The following AGO1 variants were observed in gnomAD, a reference collection of about 807,000 sequenced individuals.
AGO1 encodes protein argonaute-1.
A neutral mutation model predicts 109.2 loss-of-function variants in AGO1; 11 were observed. That is an observed-to-expected ratio of 0.10 (90% CI 0.06 to 0.17). The LOEUF (loss-of-function observed/expected upper bound fraction) is 0.17. Ranked by LOEUF, AGO1 falls within the 10% of genes least tolerant of loss-of-function variation. The pLI, the probability that AGO1 is intolerant of heterozygous loss-of-function variation, is 1.00. For synonymous variants in AGO1, 422 were observed against 418.6 expected, an observed-to-expected ratio of 1.01 and a Z score of -0.10; for missense variants, 574 against 1,140.3, an observed-to-expected ratio of 0.50 and a Z score of 7.15.
intron 12 of AGO1, 94 bp downstream of exon 12, chr1:35,907,213 G>T: frequency 1.6e-6 from 2 of 1,214,232 alleles, no homozygotes; most frequent in Non-Finnish European, 2.2e-6. Context: ...TGGATTCTTG[G>T]CTTTGACCAG....
chr1:35,892,393 C>G (rs1174934733), intron 2 of AGO1, among the ~76,000 whole-genome samples, 164 bp from the exon 3 acceptor site: 1 of 152,254 alleles, frequency 6.6e-6, no homozygotes, highest in Non-Finnish European at 1.5e-5. Context: ...TTAATAAAAT[C>G]TCCAGGTGAT....
rs928450240 is a variant in AGO1, at chr1:35,921,674, T to C, written c.*2067T>C. 4 of 152,718 alleles carry C rather than the reference T, an allele frequency of 2.6e-5. No homozygotes were observed. Among genetic ancestry groups the C allele is most frequent in the African/African-American group, 9.6e-5 (4 of 41,470 alleles). The allele number at this position is 152,718 out of a possible 1,614,324, so 9.5% of individuals were successfully genotyped here. A position where few individuals can be genotyped will look rare whatever the true frequency, so the allele number is the denominator to read the frequency against. On this transcript the variant is annotated 3_prime_UTR_variant, in exon 19 of 19. Coordinates refer to ENST00000373204, the MANE Select transcript of AGO1 (RefSeq NM_012199.5). ...ATGCAAAACAATCTATCCCAGGTTC[T>C]GTTCTGGTTGGCTACATTGTTCAGC... is the stretch of plus-strand genomic sequence containing the variant.
Position 35,888,251 on chromosome 1 carries a change from GAAAA to G in AGO1, c.26-173_26-170del, listed in dbSNP as rs1481491291. Among the ~76,000 whole-genome samples the G allele has an allele frequency of 6.6e-6, 1 of 152,110 alleles. No homozygotes were observed. The highest frequency in any genetic ancestry group is 1.5e-5 in the Non-Finnish European group (1 of 68,004). On this transcript the variant is annotated intron_variant, in intron 1 of 18. Coordinates refer to ENST00000373204, the MANE Select transcript of AGO1 (RefSeq NM_012199.5). The surrounding 1 kb of genome is among the most constrained non-coding windows in gnomAD (Gnocchi z 4.1). ...GAGAGAGATTAAAAAAGAAAAAAGA[GAAAA>G]AACACAGATGAGCTTGAGATGTCCC...
intron 13 of AGO1, 85 bp downstream of exon 13, chr1:35,914,086 A>T (rs981930305): frequency 3.8e-6 from 6 of 1,597,792 alleles, no homozygotes; most frequent in Admixed American, 1.7e-5. Flanking sequence ...AGGCAGACTG[A>T]ATCAGACATA....
intron 11 of AGO1, among the ~76,000 whole-genome samples, chr1:35,904,359 C>T (rs1163702718): frequency 1.3e-5 from 2 of 152,166 alleles, no homozygotes; most frequent in African/African-American, 2.4e-5. Context: ...CCCGCCTCGG[C>T]CTTCCAAAGT....
In AGO1 at chr1:35,916,157, T is replaced by C. The variant is rs1356022302; in HGVS notation, c.2028+615T>C. 4.6e-5 allele frequency among the ~76,000 whole-genome samples: 7 copies of C among 152,160 alleles called. No homozygotes were observed. In the South Asian group the frequency reaches 8.3e-4, roughly 18 times the overall value. Reference sequence around the variant, plus strand: ...TAAGCACTTCACTTTCTTTTTTTTTTCCCTAAATCTGAGTGGAAACATATG... The same window carrying C: ...TAAGCACTTCACTTTCTTTTTTTTTCCCCTAAATCTGAGTGGAAACATATG... On this transcript the variant is annotated intron_variant, in intron 15 of 18. Transcript: ENST00000373204.
At chr1:35,902,123 T>C in intron 10 of AGO1, 53 bp downstream of exon 10, 2 of 1,584,428 alleles carry the variant, frequency 1.3e-6, no homozygotes, top group Admixed American at 3.5e-5. Flanking sequence ...GGTGGTTGGG[T>C]TGTATAGCCA....
rs1262080535 is a variant in AGO1, at chr1:35,915,519, G to T, written c.2005G>T (p.Val669Leu). The T allele has an allele frequency of 6.2e-7, 1 of 1,614,138 alleles. No individual in the cohort carries two copies. Among genetic ancestry groups the T allele is most frequent in the East Asian group, 2.2e-5 (1 of 44,880 alleles). ...PTRIIFYRDG[V>L]PEGQLPQILH... ...CCGCATCATCTTCTACCGAGATGGG[G>T]TGCCTGAAGGCCAGCTACCCCAGGT... The change falls in exon 15 of 19, where the codon GTG becomes TTG. Residue 669 changes from valine (V) to leucine (L), a missense_variant. Physicochemically the swap from Val to Leu is conservative, Grantham distance 32. Transcript: ENST00000373204.
At chr1:35,877,276 C>T (rs1330415709) in intron 1 of AGO1, among the ~76,000 whole-genome samples, 1 of 152,192 alleles carries the variant, frequency 6.6e-6, no homozygotes, top group East Asian at 1.9e-4. Context: ...AGCTTCTTTT[C>T]TCAGTGCTTC....
In AGO1 at chr1:35,930,134, C is replaced by T. The variant is rs1000473891; in HGVS notation, c.*10527C>T. Reference sequence around the variant, plus strand: ...TATTAAGGACCTAATATTTGCCTGACATTCAAGTGAGGTGGGGGGCACACA... The same window carrying T: ...TATTAAGGACCTAATATTTGCCTGATATTCAAGTGAGGTGGGGGGCACACA... On this transcript the variant is annotated 3_prime_UTR_variant, in exon 19 of 19. Transcript: ENST00000373204. The T allele has an allele frequency of 6.6e-6, 1 of 152,170 alleles. No homozygotes were observed. The highest frequency in any genetic ancestry group is 6.5e-5 in the Admixed American group (1 of 15,272). The allele number at this position is 152,170 out of a possible 1,614,324, so 9.4% of individuals were successfully genotyped here. A position where few individuals can be genotyped will look rare whatever the true frequency, so the allele number is the denominator to read the frequency against.
Position 35,922,775 on chromosome 1 carries a change from A to G in AGO1, c.*3168A>G, listed in dbSNP as rs1645857900. The G allele has an allele frequency of 6.6e-6, 1 of 152,300 alleles. No individual in the cohort carries two copies. Among genetic ancestry groups the G allele is most frequent in the South Asian group, 2.1e-4 (1 of 4,832 alleles). 9.4% of individuals were successfully genotyped at this position (152,300 alleles called of 1,614,324 possible). A position where few individuals can be genotyped will look rare whatever the true frequency, so the allele number is the denominator to read the frequency against. ...GTCCACCTGGGCTGGACTGCCCTCA[A>G]GCTTATACTAGAGAAGAGCAACTGA... On this transcript the variant is annotated 3_prime_UTR_variant, in exon 19 of 19. Transcript: ENST00000373204.
intron 12 of AGO1, among the ~76,000 whole-genome samples, chr1:35,907,596 T>G (rs1228073426): frequency 6.6e-6 from 1 of 152,212 alleles, no homozygotes; most frequent in Non-Finnish European, 1.5e-5. Context: ...TATAAATTTC[T>G]GTCACAGCAC....
rs1181076845 is a variant in AGO1 at position 35,883,266 on chromosome 1, A to G, written c.-156A>G. 8.0e-6 allele frequency: 11 copies of G among 1,370,616 alleles called. No individual in the cohort carries two copies. In the South Asian group the frequency reaches 1.5e-4, roughly 19 times the overall value. 84.9% of individuals were successfully genotyped at this position (1,370,616 alleles called of 1,614,324 possible). On this transcript the variant is annotated 5_prime_UTR_variant, in exon 1 of 19. Transcript: ENST00000373204. The surrounding 1 kb of genome is among the most constrained non-coding windows in gnomAD (Gnocchi z 5.4). ...CTGCTGCAGGCTCCGCGGCGGCGGC[A>G]ACGGAGGCTGCGGGGGCGGCGGCGC...
intron 17 of AGO1, 76 bp from the exon 18 acceptor site, chr1:35,918,979 A>T (rs1047349276): frequency 2.3e-6 from 3 of 1,324,394 alleles, no homozygotes; most frequent in Non-Finnish European, 3.2e-6. Context: ...CCATATTCTT[A>T]ACAGTGATCC....
chr1:35,904,151 G>A (rs1265975537), intron 11 of AGO1, among the ~76,000 whole-genome samples: 3 of 126,028 alleles, frequency 2.4e-5, no homozygotes, highest in African/African-American at 3.2e-5. Context: ...TCTCTCTGTC[G>A]TCCAGGTGCA....
chr1:35,881,756 A>G (rs1645039534), upstream of AGO1, among the ~76,000 whole-genome samples: 2 of 152,216 alleles, frequency 1.3e-5, no homozygotes, highest in African/African-American at 2.4e-5. Context: ...CCATCCCTTA[A>G]GTTCCCAGCC....
At chr1:35,896,826 G>A (rs1361337963) in intron 8 of AGO1, among the ~76,000 whole-genome samples, 1 of 152,224 alleles carries the variant, frequency 6.6e-6, no homozygotes, top group Non-Finnish European at 1.5e-5. Context: ...TGATGCACAT[G>A]AAGGCAACAT....
chr1:35,883,923 G>T lies in AGO1; in HGVS notation c.25+477G>T, dbSNP rs773321865. Among the ~76,000 whole-genome samples, 60 of 152,248 alleles carry T rather than the reference G, an allele frequency of 3.9e-4. No individual in the cohort carries two copies. The highest frequency in any genetic ancestry group is 7.3e-4 in the Non-Finnish European group (50 of 68,042). The stretch of plus-strand genomic sequence containing the variant: ...AGCTCCGCCCCACTGGGCCTGACGC[G>T]AGGGCGAGGGTCAGGGGGCGGTGGG... On this transcript the variant is annotated intron_variant, in intron 1 of 18. Transcript: ENST00000373204. This position sits in a 1 kb window ranked among gnomAD's most constrained non-coding sequence, Gnocchi z 5.4.
At chr1:35,889,508 G>A (rs985579217) in intron 2 of AGO1, among the ~76,000 whole-genome samples, 2 of 151,576 alleles carry the variant, frequency 1.3e-5, no homozygotes, top group Admixed American at 1.3e-4. Flanking sequence ...CACCGTGCCC[G>A]GCCTCTGTGA....
Sources: gnomAD v4.1 joint callset for allele counts (sites outside exome capture counted in the v4.1 genomes callset) on GRCh38, gnomAD v4.1.1 for gene constraint, Gnocchi (gnomAD v3.1) non-coding constraint, MANE v1.5 for transcripts, NCBI Gene and HGNC (gene_info 2026-07-23, HGNC 2026-07-21) for gene names.